Variants in FSTL5 observed in about 807,000 individuals in gnomAD.
FSTL5 encodes the protein follistatin-related protein 5.
Under a neutral mutation model 89.1 loss-of-function variants are expected in FSTL5, and 62 were observed. That is an observed-to-expected ratio of 0.70 (90% CI 0.57 to 0.86). FSTL5 has a LOEUF of 0.86. Ranked by LOEUF, FSTL5 falls within the 40% of genes least tolerant of loss-of-function variation. FSTL5 has a pLI of 0.00. For missense variants in FSTL5, 1,057 were observed against 1,001.6 expected, an observed-to-expected ratio of 1.06 and a Z score of -0.75; for synonymous variants, 383 against 346.2, an observed-to-expected ratio of 1.11 and a Z score of -1.18.
Position 161,387,450 on chromosome 4 carries a change from A to C in FSTL5, c.1842-1001T>G, listed in dbSNP as rs145968872. On this transcript the variant is annotated intron_variant, in intron 15 of 15. Transcript: ENST00000306100. ...TATGAGTATTAAGATAAAGCAAAAC[A>C]AAAACTCTAAAGAGAGCCAATTATG... The C allele has an allele frequency of 2.1e-3, 320 of 152,174 alleles. 3 individuals are homozygous for C. The highest frequency in any genetic ancestry group is 7.3e-3 in the African/African-American group (304 of 41,576). The allele number at this position is 152,174 out of a possible 1,614,324, so 9.4% of individuals were successfully genotyped here.
intron 4 of FSTL5, among the ~76,000 whole-genome samples, chr4:161,800,002 T>C (rs1015384856): frequency 5.3e-5 from 8 of 151,736 alleles, no homozygotes; most frequent in Admixed American, 2.0e-4. Flanking sequence ...CAGAATGCCA[T>C]AGATGCTAAG....
chr4:161,596,932 C>A (rs112992241), intron 7 of FSTL5, among the ~76,000 whole-genome samples: 26,423 of 151,834 alleles, frequency 0.17, 2,793 homozygotes, highest in Non-Finnish European at 0.22. Context: ...GGATATTAGC[C>A]CTTTGTCAGA....
At position 161,385,694 on chromosome 4, in the gene FSTL5, T is replaced by C. The variant is rs1730595552; in HGVS notation, c.*53A>G. The C allele has an allele frequency of 8.1e-7, 1 of 1,240,046 alleles. No homozygotes were observed. Among genetic ancestry groups the C allele is most frequent in the Admixed American group, 2.3e-5 (1 of 42,588 alleles). The allele number at this position is 1,240,046 out of a possible 1,614,324, so 76.8% of individuals were successfully genotyped here. A position where few individuals can be genotyped will look rare whatever the true frequency, so the allele number is the denominator to read the frequency against. On this transcript the variant is annotated 3_prime_UTR_variant, in exon 16 of 16. Coordinates refer to ENST00000306100, the MANE Select transcript of FSTL5 (RefSeq NM_020116.5). ...TTAAGTTGTAAATTTAAACAATGGA[T>C]TAAGTGCAATGTATTGTAAAACGCT... is the stretch of plus-strand genomic sequence containing the variant.
chr4:161,645,657 C>T lies in FSTL5; in HGVS notation c.894+10671G>A, dbSNP rs184161938. Among the ~76,000 whole-genome samples, 243 of 152,146 alleles carry T rather than the reference C, an allele frequency of 1.6e-3. 1 individual carries two copies. Among genetic ancestry groups the T allele is most frequent in the Admixed American group, 4.8e-3 (73 of 15,276 alleles). On this transcript the variant is annotated intron_variant, in intron 7 of 15. Coordinates refer to ENST00000306100, the MANE Select transcript of FSTL5 (RefSeq NM_020116.5). The stretch of plus-strand genomic sequence containing the variant: ...ATTACTATTGAACCTACACGACCTG[C>T]GTTAGTTTTTTGTATTTAGGCAGAA...
intron 7 of FSTL5, among the ~76,000 whole-genome samples, chr4:161,636,562 C>T (rs187648914): frequency 0.016 from 2,440 of 149,104 alleles, 63 homozygotes; most frequent in African/African-American, 0.056. Context: ...GCTGCACGCA[C>T]TAACTCGTCA....
chr4:161,914,929 T>C (rs901654722), intron 4 of FSTL5, among the ~76,000 whole-genome samples: 3 of 152,188 alleles, frequency 2.0e-5, no homozygotes, highest in African/African-American at 7.2e-5. Context: ...GGTAGATTGT[T>C]TCTAAATGAT....
chr4:161,484,910 C>G (rs979616510), intron 12 of FSTL5, among the ~76,000 whole-genome samples: 1 of 152,102 alleles, frequency 6.6e-6, no homozygotes, highest in Non-Finnish European at 1.5e-5. Flanking sequence ...ATAATGGTCC[C>G]CCAGGCCAAA....
At chr4:161,791,134 T>G (rs926421045) in intron 4 of FSTL5, among the ~76,000 whole-genome samples, 3 of 152,000 alleles carry the variant, frequency 2.0e-5, no homozygotes, top group South Asian at 2.1e-4. Flanking sequence ...ATTTAGCACT[T>G]AATTTGTGAA....
intron 15 of FSTL5, 132 bp downstream of exon 15, chr4:161,454,872 T>A: frequency 1.3e-6 from 1 of 759,906 alleles, no homozygotes; most frequent in Non-Finnish European, 2.1e-6. Context: ...TAAGCAGATA[T>A]GACAAAGCTA....
At chr4:161,599,264 C>T (rs190769092) in intron 7 of FSTL5, among the ~76,000 whole-genome samples, 58 of 152,138 alleles carry the variant, frequency 3.8e-4, no homozygotes, top group Middle Eastern at 3.4e-3. Context: ...ATGTAAACAT[C>T]TACTAGATTT....
intron 4 of FSTL5, among the ~76,000 whole-genome samples, chr4:161,780,483 C>G (rs968954957): frequency 5.9e-5 from 9 of 152,138 alleles, no homozygotes; most frequent in Admixed American, 3.9e-4. Flanking sequence ...CTCTGCTGTT[C>G]CTGTTCTAGA....
intron 4 of FSTL5, among the ~76,000 whole-genome samples, chr4:161,781,247 CAT>C (rs1741655417): frequency 6.6e-6 from 1 of 151,554 alleles, no homozygotes; most frequent in South Asian, 2.1e-4. Flanking sequence ...GGAAAGCTAT[CAT>C]ATTTATATTA....
At chr4:161,757,346 T>A (rs776462724) in intron 6 of FSTL5, among the ~76,000 whole-genome samples, 51 of 151,716 alleles carry the variant, frequency 3.4e-4, no homozygotes, top group Non-Finnish European at 6.3e-4. Flanking sequence ...TATATGATAG[T>A]ATCATTCATA....
chr4:161,810,458 C>T (rs1730103966), intron 4 of FSTL5, among the ~76,000 whole-genome samples: 1 of 151,948 alleles, frequency 6.6e-6, no homozygotes, highest in African/African-American at 2.4e-5. Context: ...TTTAAGCAGC[C>T]GAGAAGGGTG....
At chr4:161,470,824 G>A (rs182426217) in intron 13 of FSTL5, among the ~76,000 whole-genome samples, 108 of 151,920 alleles carry the variant, frequency 7.1e-4, no homozygotes, top group Non-Finnish European at 1.1e-3. Flanking sequence ...TAATCTCTAC[G>A]TATTTTACTC....
chr4:161,935,875 A>G (rs182897970), intron 3 of FSTL5, among the ~76,000 whole-genome samples: 27 of 152,274 alleles, frequency 1.8e-4, no homozygotes, highest in African/African-American at 6.0e-4. Context: ...ACCTTCTCCT[A>G]TTCATTTTAT....
At chr4:162,093,722 A>AC (rs1184172057) in intron 2 of FSTL5, among the ~76,000 whole-genome samples, 1 of 152,196 alleles carries the variant, frequency 6.6e-6, no homozygotes, top group Non-Finnish European at 1.5e-5. Context: ...TCATTAAGAA[A>AC]AGTTTTAACC....
chr4:161,828,536 A>G (rs1035632724), intron 4 of FSTL5, among the ~76,000 whole-genome samples: 1 of 152,128 alleles, frequency 6.6e-6, no homozygotes, highest in Non-Finnish European at 1.5e-5. Context: ...ATTAAGATTC[A>G]TATTTTTTAA....
rs1372301499 is a variant in FSTL5 at position 161,778,912 on chromosome 4, C to A, written c.410-2838G>T. Among the ~76,000 whole-genome samples the A allele has an allele frequency of 5.3e-5, 8 of 152,300 alleles. No homozygotes were observed. In the East Asian group the frequency reaches 9.7e-4, roughly 18 times the overall value. On this transcript the variant is annotated intron_variant, in intron 4 of 15. Transcript: ENST00000306100. ...AAAAAATTCTGAAAAGGATTATACACCATTCCAATAGCCTTTCCTTGGATT... is the reference window on the plus strand; with the variant it reads ...AAAAAATTCTGAAAAGGATTATACAACATTCCAATAGCCTTTCCTTGGATT...
Sources: allele counts gnomAD v4.1 joint callset (sites outside exome capture counted in the v4.1 genomes callset), GRCh38; gene constraint gnomAD v4.1.1; transcripts MANE v1.5; gene names NCBI Gene and HGNC (gene_info 2026-07-23, HGNC 2026-07-21).